The following ERBB4 variants were observed in gnomAD, a reference collection of about 807,000 sequenced individuals.
ERBB4 encodes erb-b2 receptor tyrosine kinase 4.
A neutral mutation model predicts 158.0 loss-of-function variants in ERBB4; 42 were observed. The ratio of observed to expected loss-of-function variants is 0.27; its 90% CI spans 0.21 to 0.34. The LOEUF is 0.34. Among genes scored for constraint, ERBB4 ranks in the 10% least tolerant of loss-of-function variants. The probability of loss-of-function intolerance (pLI) is 1.00; values close to 1 mark genes in which losing one functional copy is unlikely to be tolerated. For missense variants in ERBB4, 1,333 were observed against 1,624.1 expected, an observed-to-expected ratio of 0.82 and a Z score of 3.08; for synonymous variants, 583 against 558.7, an observed-to-expected ratio of 1.04 and a Z score of -0.61.
intron 20 of ERBB4, among the ~76,000 whole-genome samples, chr2:211,533,922 G>A (rs948388471): frequency 1.3e-5 from 2 of 152,026 alleles, no homozygotes; most frequent in Non-Finnish European, 2.9e-5. Flanking sequence ...GCTTACTGAA[G>A]AGTAGAAAGT....
intron 3 of ERBB4, among the ~76,000 whole-genome samples, chr2:211,903,609 G>A (rs768026765): frequency 6.6e-6 from 1 of 151,858 alleles, no homozygotes; most frequent in Non-Finnish European, 1.5e-5. Context: ...CTATTGAAAT[G>A]GGTAATCAAT....
Position 211,976,092 on chromosome 2 carries a change from C to A in ERBB4, c.235-28476G>T, listed in dbSNP as rs139156610. On this transcript the variant is annotated intron_variant, in intron 2 of 27. Transcript: ENST00000342788. ...ATGGGCAGAGAAGTTTTATTTTCTT[C>A]TATTGTTGAAATTAAAGTTAACTCA... Among the ~76,000 whole-genome samples, 11 of 152,100 alleles carry A rather than the reference C, an allele frequency of 7.2e-5. No homozygotes were observed. In the East Asian group the frequency reaches 2.1e-3, roughly 29 times the overall value.
chr2:212,197,245 T>C (rs1024739568), intron 1 of ERBB4, among the ~76,000 whole-genome samples: 1 of 152,208 alleles, frequency 6.6e-6, no homozygotes, highest in Non-Finnish European at 1.5e-5. Flanking sequence ...CCTTAATTAT[T>C]ATACAATAAA....
At chr2:211,941,054 A>G (rs1280706514) in intron 3 of ERBB4, among the ~76,000 whole-genome samples, 1 of 152,146 alleles carries the variant, frequency 6.6e-6, no homozygotes, top group Non-Finnish European at 1.5e-5. Flanking sequence ...ACACAGTCTG[A>G]CATGACAAGC....
intron 1 of ERBB4, among the ~76,000 whole-genome samples, chr2:212,455,819 T>A (rs549155926): frequency 9.2e-5 from 14 of 152,114 alleles, no homozygotes; most frequent in Admixed American, 3.3e-4. Flanking sequence ...TATGAAAAAA[T>A]TTATTGTTAA....
chr2:212,424,320 T>A (rs537216282), intron 1 of ERBB4, among the ~76,000 whole-genome samples: 1 of 152,064 alleles, frequency 6.6e-6, no homozygotes, highest in East Asian at 1.9e-4. Flanking sequence ...GACCTTACAA[T>A]GGTAGGACTT....
chr2:212,451,007 T>C (rs1293805909), intron 1 of ERBB4, among the ~76,000 whole-genome samples: 1 of 151,910 alleles, frequency 6.6e-6, no homozygotes, highest in Non-Finnish European at 1.5e-5. Flanking sequence ...GTCACATCCG[T>C]GTAGTCCTGG....
intron 1 of ERBB4, among the ~76,000 whole-genome samples, chr2:212,289,088 C>T (rs1481922365): frequency 6.6e-6 from 1 of 152,068 alleles, no homozygotes; most frequent in Non-Finnish European, 1.5e-5. Flanking sequence ...ACTACCTACG[C>T]CCCAAGTTTC....
At chr2:212,486,839 A>G (rs1690007226) in intron 1 of ERBB4, among the ~76,000 whole-genome samples, 1 of 152,122 alleles carries the variant, frequency 6.6e-6, no homozygotes, top group Non-Finnish European at 1.5e-5. Context: ...GCTTTAAAGT[A>G]CAGATGTTCT....
intron 20 of ERBB4, among the ~76,000 whole-genome samples, chr2:211,495,132 A>G (rs1048053721): frequency 6.6e-6 from 1 of 152,110 alleles, no homozygotes; most frequent in Non-Finnish European, 1.5e-5. Context: ...AAATGTCTTC[A>G]TAGAAACTAC....
At chr2:212,150,556 G>C (rs996861666) in intron 1 of ERBB4, among the ~76,000 whole-genome samples, 1 of 151,412 alleles carries the variant, frequency 6.6e-6, no homozygotes, top group African/African-American at 2.4e-5. Context: ...TTTTTCCCTC[G>C]ATCCTCCTTT....
intron 1 of ERBB4, among the ~76,000 whole-genome samples, chr2:212,345,766 TA>T (rs2088968795): frequency 1.3e-5 from 2 of 152,142 alleles, no homozygotes; most frequent in South Asian, 4.1e-4. Flanking sequence ...TTTAAATCAT[TA>T]TATGTAAATT....
intron 1 of ERBB4, among the ~76,000 whole-genome samples, chr2:212,374,840 T>C (rs1574800411): frequency 6.6e-6 from 1 of 151,938 alleles, no homozygotes; most frequent in African/African-American, 2.4e-5. Flanking sequence ...TCATAGCAGA[T>C]AGTGCCCAAA....
chr2:211,838,315 G>A (rs756601035), intron 3 of ERBB4, among the ~76,000 whole-genome samples: 1 of 151,984 alleles, frequency 6.6e-6, no homozygotes, highest in Non-Finnish European at 1.5e-5. Context: ...CCAATAATCA[G>A]TACCAGCCAT....
intron 2 of ERBB4, among the ~76,000 whole-genome samples, chr2:212,070,001 G>C (rs2078064983): frequency 6.6e-6 from 1 of 151,642 alleles, no homozygotes; most frequent in Non-Finnish European, 1.5e-5. Context: ...TGTGTCTGTA[G>C]TCTAGCTACT....
At chr2:211,731,832 G>A (rs1048660853) in intron 5 of ERBB4, among the ~76,000 whole-genome samples, 1 of 152,120 alleles carries the variant, frequency 6.6e-6, no homozygotes. Context: ...CAGGTTCAAT[G>A]AAACTAATGC....
rs183927641 is a variant in ERBB4 at position 211,448,972 on chromosome 2, A to T, written c.2488-17872T>A. ...ATATATTTCAGTGTTCTCTATTAAG[A>T]CAAATTAATAAATTTGTTAATTACT... On this transcript the variant is annotated intron_variant, in intron 20 of 27. Coordinates refer to ENST00000342788, the MANE Select transcript of ERBB4 (RefSeq NM_005235.3). Among the ~76,000 whole-genome samples the T allele has an allele frequency of 1.7e-3, 253 of 152,254 alleles. 1 individual carries two copies. Among genetic ancestry groups the T allele is most frequent in the Non-Finnish European group, 2.0e-3 (136 of 67,960 alleles).
At chr2:212,506,459 A>G (rs949934178) in intron 1 of ERBB4, among the ~76,000 whole-genome samples, 2 of 152,212 alleles carry the variant, frequency 1.3e-5, no homozygotes, top group African/African-American at 2.4e-5. Flanking sequence ...TCAAACAGCC[A>G]AATTGTGAAT....
intron 3 of ERBB4, among the ~76,000 whole-genome samples, chr2:211,881,998 A>G (rs2078677386): frequency 6.6e-6 from 1 of 152,156 alleles, no homozygotes; most frequent in Non-Finnish European, 1.5e-5. Context: ...AGTGTTTCTG[A>G]GAAAGTTAAC....
Sources: gnomAD v4.1 joint callset for allele counts (sites outside exome capture counted in the v4.1 genomes callset) on GRCh38, gnomAD v4.1.1 for gene constraint, MANE v1.5 for transcripts, NCBI Gene and HGNC (gene_info 2026-07-23, HGNC 2026-07-21) for gene names.